SAMD5: variants seen among roughly 807,000 people sequenced by gnomAD.
SAMD5 encodes the protein sterile alpha motif domain containing 5.
A neutral mutation model predicts 11.3 loss-of-function variants in SAMD5; 13 were observed. That is an observed-to-expected ratio of 1.15 (90% confidence interval 0.75 to 1.83). The LOEUF (loss-of-function observed/expected upper bound fraction) is 1.83, where lower values mean the gene tolerates loss of function less well. Among genes scored for constraint, SAMD5 ranks in the 40% most tolerant of loss-of-function variants. The probability of loss-of-function intolerance (pLI) is 0.00; values close to 1 mark genes in which losing one functional copy is unlikely to be tolerated. For synonymous variants in SAMD5, 129 were observed against 111.3 expected (o/e 1.16, Z -1.00); for missense variants, 255 against 239.1 (o/e 1.07, Z -0.44).
At chr6:147,675,452 A>G (rs1330626132) in intron 1 of SAMD5, among the ~76,000 whole-genome samples, 1 of 152,154 alleles carries the variant, frequency 6.6e-6, no homozygotes, top group Admixed American at 6.5e-5. Context: ...CTCCCCAACA[A>G]CGTAATTGAA....
chr6:147,704,838 G>A (rs573450032), intron 1 of SAMD5, among the ~76,000 whole-genome samples: 7 of 152,330 alleles, frequency 4.6e-5, no homozygotes, highest in African/African-American at 1.7e-4. Flanking sequence ...TTGGGGATTA[G>A]CTGAGTGAGC....
At chr6:147,933,711 A>G in the SAMD5 span, among the ~76,000 whole-genome samples, 6 of 152,218 alleles carry the variant, frequency 3.9e-5, no homozygotes, top group Admixed American at 3.9e-4. Flanking sequence ...ATCTAGCATT[A>G]AAAACAACAA....
At chr6:147,867,051 A>G in the SAMD5 span, among the ~76,000 whole-genome samples, 1 of 152,166 alleles carries the variant, frequency 6.6e-6, no homozygotes, top group Admixed American at 6.6e-5. Flanking sequence ...CAAGCTAGGA[A>G]AAGGAAAATT....
At chr6:147,857,479 A>G in the SAMD5 span, among the ~76,000 whole-genome samples, 1 of 151,740 alleles carries the variant, frequency 6.6e-6, no homozygotes, top group African/African-American at 2.4e-5. Context: ...TGCATTCTGC[A>G]CTCCAGCCTG....
chr6:147,763,518 GTTTTTACATA>G, the SAMD5 span, among the ~76,000 whole-genome samples: 3 of 150,998 alleles, frequency 2.0e-5, no homozygotes, highest in African/African-American at 7.3e-5. Context: ...TATTTCCTTA[GTTTTTACATA>G]ATGTTCTTTC....
chr6:147,842,874 A>T, the SAMD5 span, among the ~76,000 whole-genome samples: 2 of 152,174 alleles, frequency 1.3e-5, no homozygotes, highest in East Asian at 1.9e-4. Context: ...AATATCACAA[A>T]TTTTTTTTAG....
At chr6:147,626,432 TTCTGATCTA>T (rs1790051301) in intron 1 of SAMD5, among the ~76,000 whole-genome samples, 1 of 152,026 alleles carries the variant, frequency 6.6e-6, no homozygotes, top group Non-Finnish European at 1.5e-5. Flanking sequence ...ACTGGACATT[TTCTGATCTA>T]TGTTTTTGTA....
chr6:147,621,009 C>A (rs934016608), intron 1 of SAMD5, among the ~76,000 whole-genome samples: 4 of 151,104 alleles, frequency 2.6e-5, no homozygotes, highest in Admixed American at 6.6e-5. Flanking sequence ...CACATGCGCG[C>A]GCATGTAGGG....
chr6:147,737,507 C>T (rs947856936), exon 2 of SAMD5: 34 of 304,106 alleles, frequency 1.1e-4, no homozygotes, highest in Admixed American at 5.4e-4. Context: ...TGTATGATGG[C>T]ACATCCAAAT....
intron 1 of SAMD5, among the ~76,000 whole-genome samples, chr6:147,594,798 T>C (rs530826460): frequency 6.6e-6 from 1 of 152,336 alleles, no homozygotes; most frequent in East Asian, 1.9e-4. Context: ...TCCAACCTGA[T>C]GGTCTTCAGG....
chr6:147,599,163 C>T lies in SAMD5; in HGVS notation c.162+89776C>T, dbSNP rs527600890. Among the ~76,000 whole-genome samples, 46 of 152,218 alleles carry T rather than the reference C, an allele frequency of 3.0e-4. No homozygotes were observed. In the South Asian group the frequency reaches 4.1e-3, roughly 14 times the overall value. On this transcript the variant is annotated intron_variant, in intron 1 of 1. Coordinates refer to the SAMD5 transcript ENST00000566741. The stretch of plus-strand genomic sequence containing the variant: ...TTGGGCAAGGCTAGGACTTCTGTGA[C>T]CTTGATGGAGTGATGGTAAAGAATG...
chr6:147,594,654 G>T (rs1789503923), intron 1 of SAMD5, among the ~76,000 whole-genome samples: 1 of 152,168 alleles, frequency 6.6e-6, no homozygotes, highest in Non-Finnish European at 1.5e-5. Flanking sequence ...TGGAGCAGGG[G>T]GAAGTTCAGG....
the SAMD5 span, among the ~76,000 whole-genome samples, chr6:147,886,515 C>G: frequency 6.6e-6 from 1 of 152,028 alleles, no homozygotes; most frequent in East Asian, 1.9e-4. Flanking sequence ...TCCTCTCCCC[C>G]TTGAGTGTGG....
At chr6:147,881,318 T>C in the SAMD5 span, among the ~76,000 whole-genome samples, 1 of 152,058 alleles carries the variant, frequency 6.6e-6, no homozygotes, top group African/African-American at 2.4e-5. Context: ...ACGAAGTCAT[T>C]CTAACAGGAT....
chr6:147,577,819 T>TA (rs1189273477), intron 1 of SAMD5, among the ~76,000 whole-genome samples: 3 of 152,136 alleles, frequency 2.0e-5, no homozygotes, highest in Non-Finnish European at 4.4e-5. Flanking sequence ...CTTTTGATGA[T>TA]AGAGTGTTTT....
chr6:147,744,647 C>G, the SAMD5 span, among the ~76,000 whole-genome samples: 1 of 152,268 alleles, frequency 6.6e-6, no homozygotes, highest in South Asian at 2.1e-4. Context: ...CCTGTAATCC[C>G]AGCACTTTGG....
intron 1 of SAMD5, among the ~76,000 whole-genome samples, chr6:147,622,195 G>A (rs1268482307): frequency 1.3e-5 from 2 of 152,160 alleles, no homozygotes; most frequent in African/African-American, 4.8e-5. Flanking sequence ...AAAATCCTCA[G>A]ATGGATGTTC....
chr6:147,575,315 G>A lies in SAMD5; in HGVS notation c.162+65928G>A, dbSNP rs1299842344. ...TCCAAACCTTTCTATGCATTTATAT[G>A]CTGGAACTTTCTTGATCTCCCCAGA... On this transcript the variant is annotated intron_variant, in intron 1 of 1. Coordinates refer to the SAMD5 transcript ENST00000566741. 3.3e-5 allele frequency among the ~76,000 whole-genome samples: 5 copies of A among 152,334 alleles called. No individual in the cohort carries two copies. The East Asian group carries it at 7.7e-4, about 24-fold the overall frequency.
intron 1 of SAMD5, among the ~76,000 whole-genome samples, chr6:147,653,631 C>A (rs111820982): frequency 3.3e-5 from 5 of 152,132 alleles, no homozygotes; most frequent in African/African-American, 1.2e-4. Context: ...AATTGTTCAT[C>A]TAGAATTATT....
Sources: allele counts gnomAD v4.1 joint callset (sites outside exome capture counted in the v4.1 genomes callset), GRCh38; gene constraint gnomAD v4.1.1; transcripts MANE v1.5; gene names NCBI Gene and HGNC (gene_info 2026-07-23, HGNC 2026-07-21).